The following ALDH7A1 variants were observed in gnomAD, a reference collection of about 807,000 sequenced individuals.
The protein encoded by ALDH7A1 is alpha-aminoadipic semialdehyde dehydrogenase.
A neutral mutation model predicts 79.9 loss-of-function variants in ALDH7A1; 63 were observed. The observed-to-expected ratio is 0.79, with a 90% CI of 0.64 to 0.97. ALDH7A1 has a LOEUF of 0.97. Among genes scored for constraint, ALDH7A1 ranks in the 50% least tolerant of loss-of-function variants. ALDH7A1 has a pLI of 0.00. For missense variants in ALDH7A1, 627 were observed against 665.2 expected, an observed-to-expected ratio of 0.94 and a Z score of 0.63; for synonymous variants, 240 against 231.2, an observed-to-expected ratio of 1.04 and a Z score of -0.34.
At chr5:126,590,905 A>G (rs1031395033) in intron 3 of ALDH7A1, among the ~76,000 whole-genome samples, 3 of 151,734 alleles carry the variant, frequency 2.0e-5, no homozygotes, top group African/African-American at 4.9e-5. Flanking sequence ...AAAAAAAGCA[A>G]TAACTTTAGG....
intron 6 of ALDH7A1, 107 bp downstream of exon 6, chr5:126,576,972 G>C (rs1466785021): frequency 1.2e-5 from 17 of 1,393,416 alleles, no homozygotes; most frequent in Non-Finnish European, 1.7e-5. Context: ...AGCCAGGTGT[G>C]GTGATGCACA....
chr5:126,575,972 T>G (rs1279022407), intron 6 of ALDH7A1, among the ~76,000 whole-genome samples: 1 of 151,934 alleles, frequency 6.6e-6, no homozygotes, highest in Non-Finnish European at 1.5e-5. Flanking sequence ...GCTAAAGAAT[T>G]GTGGACAGGC....
At chr5:126,570,729 G>A (rs1750742052) in intron 8 of ALDH7A1, 53 bp downstream of exon 8, 3 of 1,527,660 alleles carry the variant, frequency 2.0e-6, no homozygotes, top group African/African-American at 1.4e-5. Flanking sequence ...GATGATTCTA[G>A]TTGGTCAACC....
intron 9 of ALDH7A1, chr5:126,564,466 C>A: frequency 8.9e-7 from 1 of 1,124,922 alleles, no homozygotes; most frequent in Non-Finnish European, 1.1e-6. Context: ...ACATTTATTA[C>A]TGATCTTTTG....
intron 16 of ALDH7A1, 74 bp downstream of exon 16, chr5:126,549,855 A>C (rs896634178): frequency 7.5e-7 from 1 of 1,329,198 alleles, no homozygotes; most frequent in African/African-American, 1.4e-5. Flanking sequence ...TCTCTTGGTC[A>C]GCCTTTTCTA....
chr5:126,549,748 C>T (rs534611744), intron 16 of ALDH7A1, 181 bp downstream of exon 16: 142 of 678,468 alleles, frequency 2.1e-4, no homozygotes, highest in Middle Eastern at 5.2e-4. Context: ...GAGGAGATGA[C>T]GCAGGACTCT....
At chr5:126,548,365 A>G (rs80266035) in intron 16 of ALDH7A1, among the ~76,000 whole-genome samples, 1,624 of 150,776 alleles carry the variant, frequency 0.011, 44 homozygotes, top group African/African-American at 0.038. Flanking sequence ...GCCCAGGTTC[A>G]TCTCAAACTC....
intron 6 of ALDH7A1, among the ~76,000 whole-genome samples, chr5:126,576,469 C>T (rs1750973495): frequency 6.6e-6 from 1 of 152,100 alleles, no homozygotes; most frequent in African/African-American, 2.4e-5. Flanking sequence ...TCCTGATTTT[C>T]CTTATTTAAT....
At chr5:126,560,693 G>C (rs994342353) in intron 10 of ALDH7A1, among the ~76,000 whole-genome samples, 2 of 151,792 alleles carry the variant, frequency 1.3e-5, no homozygotes, top group Non-Finnish European at 2.9e-5. Flanking sequence ...TTCCACTAAA[G>C]ACAAAATAAT....
chr5:126,589,930 G>T (rs1372031700), intron 3 of ALDH7A1, among the ~76,000 whole-genome samples: 1 of 143,698 alleles, frequency 7.0e-6, no homozygotes, highest in African/African-American at 2.6e-5. Context: ...CCCAATGTCT[G>T]GGAAGCGAGG....
chr5:126,594,714 G>A (rs1751681580), intron 1 of ALDH7A1, among the ~76,000 whole-genome samples: 1 of 152,032 alleles, frequency 6.6e-6, no homozygotes, highest in African/African-American at 2.4e-5. Context: ...CCAAAGTGCT[G>A]GGATTACAGG....
intron 3 of ALDH7A1, chr5:126,587,409 G>A (rs1179028467): frequency 6.6e-6 from 1 of 152,024 alleles, no homozygotes; most frequent in Non-Finnish European, 1.5e-5. Flanking sequence ...AGGCCAAGGC[G>A]GGTGGATGGC....
At chr5:126,563,577 G>A (rs61626160) in intron 9 of ALDH7A1, among the ~76,000 whole-genome samples, 3,135 of 151,928 alleles carry the variant, frequency 0.021, 110 homozygotes, top group African/African-American at 0.071. Flanking sequence ...GCAAATCTCC[G>A]CCTCCTGGGT....
chr5:126,556,270 TC>T (rs1295852927), intron 11 of ALDH7A1, among the ~76,000 whole-genome samples: 2 of 117,028 alleles, frequency 1.7e-5, no homozygotes, highest in Non-Finnish European at 3.4e-5. Flanking sequence ...TGAGACAGAG[TC>T]TCACTCTGTC....
intron 13 of ALDH7A1, chr5:126,553,291 G>C (rs1750066795): frequency 6.6e-6 from 1 of 152,046 alleles, no homozygotes; most frequent in African/African-American, 2.4e-5. Flanking sequence ...TTTAAAATAT[G>C]GAATACTTTT....
intron 5 of ALDH7A1, among the ~76,000 whole-genome samples, chr5:126,579,026 TCCTCTCCA>T (rs879522467): frequency 0.02 from 3,120 of 152,268 alleles, 104 homozygotes; most frequent in African/African-American, 0.062. Flanking sequence ...GCCTGCCTCC[TCCTCTCCA>T]GCCCTCCCAT....
At chr5:126,550,042 A>G (rs770435868) in intron 15 of ALDH7A1, 40 bp from the exon 16 acceptor site, 30 of 1,596,770 alleles carry the variant, frequency 1.9e-5, no homozygotes, top group Middle Eastern at 1.7e-4. Context: ...AATGAACAGG[A>G]AATTAAAAAC....
At position 126,574,431 on chromosome 5, in the gene ALDH7A1, C is replaced by A. The variant is rs188625325; in HGVS notation, c.695+989G>T. Among the ~76,000 whole-genome samples the A allele has an allele frequency of 6.0e-5, 9 of 149,958 alleles. No homozygotes were observed. The East Asian group carries it at 1.8e-3, about 30-fold the overall frequency. On this transcript the variant is annotated intron_variant, in intron 7 of 17. Transcript: ENST00000409134. ...ATAATAATAGCCGGGCGTGGTGGCT[C>A]ATGCCTGTAATCCCAGCACTTTGGG...
At chr5:126,592,843 C>T (rs1237399710) in intron 2 of ALDH7A1, 114 bp from the exon 3 acceptor site, 11 of 1,035,292 alleles carry the variant, frequency 1.1e-5, no homozygotes, top group Middle Eastern at 2.9e-4. Flanking sequence ...GGTTCCCTAA[C>T]ATTTATGGCT....
Sources: allele counts gnomAD v4.1 joint callset (sites outside exome capture counted in the v4.1 genomes callset), GRCh38; gene constraint gnomAD v4.1.1; transcripts MANE v1.5; gene names NCBI Gene and HGNC (gene_info 2026-07-23, HGNC 2026-07-21).